MICAL3: variants seen among roughly 807,000 people sequenced by gnomAD.
MICAL3 encodes the protein [F-actin]-monooxygenase MICAL3.
MICAL3 carries 62 observed loss-of-function variants against 207.4 expected under a neutral mutation model. The observed-to-expected ratio is 0.30, with a 90% confidence interval of 0.24 to 0.37. The LOEUF (loss-of-function observed/expected upper bound fraction) is 0.37, where lower values mean the gene tolerates loss of function less well. Among genes scored for constraint, MICAL3 ranks in the 10% least tolerant of loss-of-function variants. The probability of loss-of-function intolerance (pLI) is 1.00; values close to 1 mark genes in which losing one functional copy is unlikely to be tolerated. For missense variants in MICAL3, 2,368 were observed against 2,635.6 expected (o/e 0.90, Z 2.22); for synonymous variants, 1,077 against 1,069.3 (o/e 1.01, Z -0.14).
intron 1 of MICAL3, among the ~76,000 whole-genome samples, chr22:17,990,646 C>A (rs557068575): frequency 6.6e-6 from 1 of 152,184 alleles, no homozygotes; most frequent in African/African-American, 2.4e-5. Context: ...TTAACCACAA[C>A]ACAGTTTGAG....
intron 5 of MICAL3, 121 bp downstream of exon 5, chr22:17,901,757 G>C: frequency 1.6e-6 from 1 of 637,756 alleles, no homozygotes; most frequent in Non-Finnish European, 2.7e-6. Context: ...CATCAGGGCA[G>C]GAAGCACACA....
chr22:18,000,279 C>G (rs1042417503), intron 1 of MICAL3, among the ~76,000 whole-genome samples: 1 of 151,578 alleles, frequency 6.6e-6, no homozygotes, highest in African/African-American at 2.4e-5. Flanking sequence ...CACCTGTCCA[C>G]AGTTGACCTT....
intron 26 of MICAL3, among the ~76,000 whole-genome samples, chr22:17,817,062 C>T (rs577737693): frequency 5.3e-5 from 8 of 152,310 alleles, no homozygotes; most frequent in African/African-American, 9.6e-5. Context: ...CCTCTGGGGT[C>T]GTCTGACTTT....
intron 5 of MICAL3, 101 bp from the exon 6 acceptor site, chr22:17,901,098 G>T: frequency 8.5e-7 from 1 of 1,182,628 alleles, no homozygotes; most frequent in Non-Finnish European, 1.2e-6. Context: ...GGGAAAGTCA[G>T]GGATGAGAAC....
intron 11 of MICAL3, among the ~76,000 whole-genome samples, chr22:17,892,368 C>T (rs567910793): frequency 6.0e-4 from 91 of 152,300 alleles, no homozygotes; most frequent in African/African-American, 2.0e-3. Flanking sequence ...GCTCTGATAT[C>T]GGCCATTCAA....
intron 29 of MICAL3, among the ~76,000 whole-genome samples, chr22:17,797,080 C>T (rs1447485236): frequency 6.6e-6 from 1 of 152,212 alleles, no homozygotes; most frequent in African/African-American, 2.4e-5. Context: ...CACACTGAAC[C>T]TAGATGGTCA....
intron 24 of MICAL3, 145 bp downstream of exon 24, chr22:17,821,885 G>GAA (rs1921688837): frequency 7.5e-6 from 8 of 1,065,100 alleles, no homozygotes; most frequent in East Asian, 4.8e-5. Flanking sequence ...GACAGAGGAG[G>GAA]AAAAGGCAAG....
chr22:17,899,566 AC>A lies in MICAL3; in HGVS notation c.848-19del, dbSNP rs1429397585. 1 of 1,515,202 alleles carries A rather than the reference AC, an allele frequency of 6.6e-7. No homozygotes were observed. Among genetic ancestry groups the A allele is most frequent in the Non-Finnish European group, 9.1e-7 (1 of 1,102,608 alleles). 93.9% of individuals were successfully genotyped at this position (1,515,202 alleles called of 1,614,324 possible). A position where few individuals can be genotyped will look rare whatever the true frequency, so the allele number is the denominator to read the frequency against. ...GTCAATACCTGGGGCCAGAAGACAAACGTGTGCATGTAAGTTTGCTGAGATG... is the reference window on the plus strand; with the variant it reads ...GTCAATACCTGGGGCCAGAAGACAAAGTGTGCATGTAAGTTTGCTGAGATG... On this transcript the variant is annotated intron_variant, in intron 6 of 31. Transcript: ENST00000441493.
At chr22:17,937,342 C>T (rs941346003) in intron 1 of MICAL3, among the ~76,000 whole-genome samples, 3 of 152,162 alleles carry the variant, frequency 2.0e-5, no homozygotes, top group African/African-American at 2.4e-5. Context: ...GCTTTCCCCC[C>T]GATCTACTTC....
intron 1 of MICAL3, among the ~76,000 whole-genome samples, chr22:17,927,682 C>T (rs888012333): frequency 4.6e-5 from 7 of 152,112 alleles, no homozygotes; most frequent in Admixed American, 1.3e-4. Flanking sequence ...TTTCCCCACC[C>T]GTGCACACAC....
chr22:18,011,473 A>G lies in MICAL3; in HGVS notation c.-75+12808T>C, dbSNP rs548546746. 1.8e-4 allele frequency among the ~76,000 whole-genome samples: 28 copies of G among 152,088 alleles called. No homozygotes were observed. In the East Asian group the frequency reaches 5.4e-3, roughly 29 times the overall value. On this transcript the variant is annotated intron_variant, in intron 1 of 31. Transcript: ENST00000441493. ...GGCAGGAGAATGGCTTGAACCTCCCAGGAGGCGGAGGTTGCGGTGAGCCGA... is the reference window on the plus strand; with the variant it reads ...GGCAGGAGAATGGCTTGAACCTCCCGGGAGGCGGAGGTTGCGGTGAGCCGA...
intron 29 of MICAL3, among the ~76,000 whole-genome samples, chr22:17,792,542 CT>C (rs1165874660): frequency 6.6e-6 from 1 of 152,212 alleles, no homozygotes; most frequent in African/African-American, 2.4e-5. Context: ...AGCCCGAGTC[CT>C]CCCTCACTGC....
At position 17,885,063 on chromosome 22, in the gene MICAL3, G is replaced by T. The variant is rs191745408; in HGVS notation, c.2241+815C>A. Among the ~76,000 whole-genome samples, 16 of 152,262 alleles carry T rather than the reference G, an allele frequency of 1.1e-4. No individual in the cohort carries two copies. In the East Asian group the frequency reaches 1.9e-3, roughly 18 times the overall value. ...TGCGAATCTTCAAAATCCCAGCCCC[G>T]CCTCTTGTAAGAAGTCAGAGTGACT... On this transcript the variant is annotated intron_variant, in intron 16 of 31. Transcript: ENST00000441493.
intron 19 of MICAL3, among the ~76,000 whole-genome samples, chr22:17,856,780 C>G (rs1925957475): frequency 1.3e-5 from 2 of 151,952 alleles, no homozygotes; most frequent in Non-Finnish European, 2.9e-5. Context: ...CGCCACCGCG[C>G]CCAGCTAATT....
intron 17 of MICAL3, among the ~76,000 whole-genome samples, chr22:17,870,237 G>A (rs560338351): frequency 1.4e-4 from 21 of 152,176 alleles, no homozygotes; most frequent in African/African-American, 3.9e-4. Flanking sequence ...CACCAGGTGC[G>A]CACCTCTGCC....
intron 19 of MICAL3, chr22:17,861,809 A>G: frequency 1.0e-6 from 1 of 985,270 alleles, no homozygotes; most frequent in Non-Finnish European, 1.2e-6. Flanking sequence ...ACTGTAAACA[A>G]TGCCCCCAAA....
At position 17,901,897 on chromosome 22, in the gene MICAL3, A is replaced by T; in HGVS notation, c.672T>A (p.Gly224=). Reference sequence around the variant, plus strand: ...CAATACCTTCCAAGGTGTTCCTCCGACCATCCCCACCGATGATCACTTCAA... The same window carrying T: ...CAATACCTTCCAAGGTGTTCCTCCGTCCATCCCCACCGATGATCACTTCAA... ...YEFEVIIGGD[G]RRNTLEGFRR... The change falls in exon 5 of 32, where the codon GGT becomes GGA. Residue 224 remains glycine (G), a synonymous_variant. Transcript: ENST00000441493. The T allele has an allele frequency of 1.2e-6, 2 of 1,613,696 alleles. No individual in the cohort carries two copies. Among genetic ancestry groups the T allele is most frequent in the Non-Finnish European group, 1.7e-6 (2 of 1,179,732 alleles).
intron 16 of MICAL3, among the ~76,000 whole-genome samples, chr22:17,874,062 C>T (rs995584551): frequency 3.9e-5 from 6 of 152,174 alleles, no homozygotes; most frequent in African/African-American, 9.7e-5. Context: ...ACAGAAGCAC[C>T]GGGCAGGGGG....
At chr22:17,939,846 A>C (rs1933726007) in intron 1 of MICAL3, among the ~76,000 whole-genome samples, 1 of 152,220 alleles carries the variant, frequency 6.6e-6, no homozygotes, top group Non-Finnish European at 1.5e-5. Flanking sequence ...TACTCTACGC[A>C]AGACACCATG....
Sources: gnomAD v4.1 joint callset for allele counts (sites outside exome capture counted in the v4.1 genomes callset) on GRCh38, gnomAD v4.1.1 for gene constraint, MANE v1.5 for transcripts, NCBI Gene and HGNC (gene_info 2026-07-23, HGNC 2026-07-21) for gene names.